ALDH1L1: variants seen among roughly 807,000 people sequenced by gnomAD.
The protein encoded by ALDH1L1 is cytosolic 10-formyltetrahydrofolate dehydrogenase.
ALDH1L1 carries 68 observed loss-of-function variants against 101.1 expected under a neutral mutation model. The observed-to-expected ratio is 0.67, with a 90% CI of 0.55 to 0.82. The LOEUF (loss-of-function observed/expected upper bound fraction) is 0.82, where lower values mean the gene tolerates loss of function less well. Ranked by LOEUF, ALDH1L1 falls within the 40% of genes least tolerant of loss-of-function variation. The pLI is 0.00. For missense variants in ALDH1L1, 1,087 were observed against 1,172.7 expected (o/e 0.93, Z 1.07); for synonymous variants, 486 against 470.8 (o/e 1.03, Z -0.42).
At chr3:126,191,097 G>T (rs996515138) in intron 1 of ALDH1L1, among the ~76,000 whole-genome samples, 1 of 152,198 alleles carries the variant, frequency 6.6e-6, no homozygotes, top group Non-Finnish European at 1.5e-5. Context: ...AAAGCAGCAT[G>T]CTAGACCACT....
chr3:126,185,896 G>A (rs1038581450), upstream of ALDH1L1, among the ~76,000 whole-genome samples: 1 of 152,174 alleles, frequency 6.6e-6, no homozygotes, highest in African/African-American at 2.4e-5. Context: ...TTACAACATG[G>A]AGGAATCTTG....
At chr3:126,153,792 T>C (rs780372241) in intron 6 of ALDH1L1, among the ~76,000 whole-genome samples, 3 of 152,202 alleles carry the variant, frequency 2.0e-5, no homozygotes, top group Non-Finnish European at 4.4e-5. Context: ...AGGGAGCTGA[T>C]GGCAGGTCTG....
chr3:126,127,106 G>A (rs2080202529), intron 14 of ALDH1L1, among the ~76,000 whole-genome samples: 1 of 152,206 alleles, frequency 6.6e-6, no homozygotes. Context: ...CAGGAGACGA[G>A]TTTCCATTGA....
intron 9 of ALDH1L1, among the ~76,000 whole-genome samples, chr3:126,145,660 T>C (rs201696318): frequency 4.6e-5 from 7 of 152,194 alleles, no homozygotes; most frequent in Non-Finnish European, 8.8e-5. Flanking sequence ...AGAATGGCTG[T>C]TGCTGGGGCT....
chr3:126,155,714 T>G (rs2080891394), intron 4 of ALDH1L1: 1 of 496,442 alleles, frequency 2.0e-6, no homozygotes, highest in Non-Finnish European at 3.5e-6. Context: ...CCTCTCTACC[T>G]GGCAAAGGTT....
intron 16 of ALDH1L1, among the ~76,000 whole-genome samples, chr3:126,121,579 G>A (rs1008009984): frequency 4.6e-5 from 7 of 152,108 alleles, no homozygotes; most frequent in African/African-American, 1.7e-4. Context: ...GGAGCCCTGC[G>A]GACAATTCCC....
At chr3:126,186,605 G>C (rs886235195) in intron 1 of ALDH1L1, among the ~76,000 whole-genome samples, 1 of 151,928 alleles carries the variant, frequency 6.6e-6, no homozygotes, top group African/African-American at 2.4e-5. Context: ...TGCGGCAACT[G>C]TGATCATAAC....
upstream of ALDH1L1, chr3:126,180,761 G>A: frequency 1.4e-6 from 2 of 1,439,438 alleles, no homozygotes; most frequent in Non-Finnish European, 1.8e-6. Flanking sequence ...AACCCCGCAG[G>A]GGCCTGCGCT....
chr3:126,135,763 G>GC (rs2080427023), intron 11 of ALDH1L1, 101 bp from the exon 12 acceptor site: 1 of 1,374,056 alleles, frequency 7.3e-7, no homozygotes, highest in African/African-American at 1.5e-5. Context: ...CAGTGAGGCG[G>GC]CCCCTGTCCA....
At position 126,109,996 on chromosome 3, in the gene ALDH1L1, G is replaced by A. The variant is rs201259609; in HGVS notation, c.2295C>T (p.Gly765=). 2.0e-5 allele frequency: 32 copies of A among 1,614,160 alleles called. No individual in the cohort carries two copies. The highest frequency in any genetic ancestry group is 2.3e-5 in the Non-Finnish European group (27 of 1,180,016). The part of the protein sequence containing the change: ...LVKLMEYCQH[G]VKEGATLVCG... ...AGACCAGTGTGGCCCCTTCCTTCAC[G>A]CCATGCTGGCAGTACTCCATCAGCT... is the stretch of plus-strand genomic sequence containing the variant. The change falls in exon 20 of 23, where the codon GGC becomes GGT. Residue 765 remains glycine, a synonymous_variant. Coordinates refer to ENST00000393434, the MANE Select transcript of ALDH1L1 (RefSeq NM_012190.4).
chr3:126,158,591 C>T lies in ALDH1L1; in HGVS notation c.176G>A (p.Trp59Ter), dbSNP rs1224961220. ...AGGCAAAGCCTGTCCTTTTGCACGC[C>T]ACCGGGAGTACTTGAATACCGGCAC... ...DGVPVFKYSR[W>*]RAKGQALPDV... Residue 59 changes from tryptophan to a stop codon, truncating the protein, a stop_gained, in exon 3 of 23, where the codon TGG becomes TAG. Coordinates refer to ENST00000393434, the MANE Select transcript of ALDH1L1 (RefSeq NM_012190.4). LOFTEE classifies it high-confidence loss of function. The T allele has an allele frequency of 1.2e-6, 2 of 1,613,970 alleles. No homozygotes were observed. Among genetic ancestry groups the T allele is most frequent in the African/African-American group, 2.7e-5 (2 of 74,940 alleles).
chr3:126,124,538 A>C, intron 15 of ALDH1L1, 87 bp from the exon 16 acceptor site: 1 of 1,082,380 alleles, frequency 9.2e-7, no homozygotes, highest in East Asian at 2.6e-5. Context: ...CTCTCCCAGC[A>C]GCCCAGCAGC....
At chr3:126,104,146 GACTTGGCGTT>G (rs1321516107) in intron 22 of ALDH1L1, 1 of 479,204 alleles carries the variant, frequency 2.1e-6, no homozygotes, top group African/African-American at 2.0e-5. Flanking sequence ...GGGGTGGAGA[GACTTGGCGTT>G]ACTGCCCAGA....
chr3:126,185,053 C>A (rs1373018096), upstream of ALDH1L1, among the ~76,000 whole-genome samples: 3 of 152,170 alleles, frequency 2.0e-5, no homozygotes, highest in Non-Finnish European at 4.4e-5. Flanking sequence ...CATATTTCCC[C>A]CTTTAAAGGG....
At chr3:126,146,986 C>T in intron 8 of ALDH1L1, 60 bp from the exon 9 acceptor site, 2 of 1,516,362 alleles carry the variant, frequency 1.3e-6, no homozygotes, top group Non-Finnish European at 1.8e-6. Context: ...AGTGCCACTC[C>T]AGGACAACAA....
At chr3:126,184,612 C>T (rs566099021), upstream of ALDH1L1, among the ~76,000 whole-genome samples, 3 of 152,332 alleles carry the variant, frequency 2.0e-5, no homozygotes, top group South Asian at 2.1e-4. Context: ...GCAGTGTGCA[C>T]TTACACAGCC....
intron 2 of ALDH1L1, among the ~76,000 whole-genome samples, chr3:126,158,959 C>T (rs11927569): frequency 0.025 from 3,841 of 152,248 alleles, 146 homozygotes; most frequent in African/African-American, 0.085. Context: ...TACTGTCTTC[C>T]GGCCCCCTCT....
intron 1 of ALDH1L1, among the ~76,000 whole-genome samples, chr3:126,170,346 T>C (rs1384027121): frequency 6.6e-6 from 1 of 151,564 alleles, no homozygotes; most frequent in Non-Finnish European, 1.5e-5. Context: ...GCTTAATTAT[T>C]ATCCTCATAG....
At chr3:126,110,312 C>T in intron 19 of ALDH1L1, 3 of 641,786 alleles carry the variant, frequency 4.7e-6, no homozygotes, top group Non-Finnish European at 5.3e-6. Context: ...ACAGAAGTCT[C>T]CAAGGAGACA....
Sources: gnomAD v4.1 joint callset for allele counts (sites outside exome capture counted in the v4.1 genomes callset) on GRCh38, gnomAD v4.1.1 for gene constraint, MANE v1.5 for transcripts, NCBI Gene and HGNC (gene_info 2026-07-23, HGNC 2026-07-21) for gene names.